PLD5: variants seen among roughly 807,000 people sequenced by gnomAD.
The protein encoded by PLD5 is phospholipase D family member 5, also known as inactive phospholipase D5.
In PLD5, 36 loss-of-function variants were observed where a neutral mutation model predicts 61.1. The ratio of observed to expected loss-of-function variants is 0.59; its 90% CI spans 0.45 to 0.78. The LOEUF (loss-of-function observed/expected upper bound fraction) is 0.78, where lower values mean the gene tolerates loss of function less well. PLD5 is among the 30% of genes least tolerant of loss of function. The pLI, the probability that PLD5 is intolerant of heterozygous loss-of-function variation, is 0.00. For missense variants in PLD5, 515 were observed against 644.4 expected (o/e 0.80, Z 2.17); for synonymous variants, 243 against 242.8 (o/e 1.00, Z -0.01).
chr1:242,243,857 G>A (rs957977983), intron 4 of PLD5, among the ~76,000 whole-genome samples: 5 of 152,192 alleles, frequency 3.3e-5, no homozygotes, highest in East Asian at 1.9e-4. Context: ...TTGGAAACAC[G>A]GTAATATCAG....
At chr1:242,146,277 C>T (rs1037816497) in intron 5 of PLD5, among the ~76,000 whole-genome samples, 2 of 152,188 alleles carry the variant, frequency 1.3e-5, no homozygotes, top group African/African-American at 4.8e-5. Context: ...CAGTTTTTAG[C>T]AATTCAGTAG....
rs546059173 is a variant in PLD5 at position 242,401,380 on chromosome 1, G to A, written c.190-53138C>T. Among the ~76,000 whole-genome samples, 650 of 152,050 alleles carry A rather than the reference G, an allele frequency of 4.3e-3. 1 individual carries two copies. Among genetic ancestry groups the A allele is most frequent in the Non-Finnish European group, 7.5e-3 (510 of 68,004 alleles). ...CAGCGTATTGCCCACCCAGAAGCCCGAGTGGTCTTCTGTAACAAGAAACAG... is the reference window on the plus strand; with the variant it reads ...CAGCGTATTGCCCACCCAGAAGCCCAAGTGGTCTTCTGTAACAAGAAACAG... On this transcript the variant is annotated intron_variant, in intron 1 of 9. Coordinates refer to ENST00000536534, the MANE Select transcript of PLD5 (RefSeq NM_001372062.1).
At chr1:242,268,542 G>A (rs1673854202) in intron 3 of PLD5, among the ~76,000 whole-genome samples, 2 of 152,254 alleles carry the variant, frequency 1.3e-5, no homozygotes, top group African/African-American at 4.8e-5. Flanking sequence ...TACAGATACT[G>A]GCAGACTGTC....
intron 4 of PLD5, among the ~76,000 whole-genome samples, chr1:242,247,707 G>T (rs767556979): frequency 6.6e-6 from 1 of 152,168 alleles, no homozygotes; most frequent in African/African-American, 2.4e-5. Flanking sequence ...GAGGGGCTCC[G>T]TTCAGCAGGC....
intron 5 of PLD5, among the ~76,000 whole-genome samples, chr1:242,182,278 T>C (rs1026014846): frequency 4.6e-5 from 7 of 152,234 alleles, no homozygotes; most frequent in African/African-American, 1.7e-4. Context: ...AGTAAAACTT[T>C]CTGATACTTG....
chr1:242,258,307 TGGTC>T (rs1673195750), intron 4 of PLD5, among the ~76,000 whole-genome samples: 5 of 152,206 alleles, frequency 3.3e-5, no homozygotes, highest in Admixed American at 3.3e-4. Flanking sequence ...CCACTGAGTA[TGGTC>T]ACTGCACTAT....
At chr1:242,343,615 G>T (rs1327133042) in intron 2 of PLD5, among the ~76,000 whole-genome samples, 1 of 151,284 alleles carries the variant, frequency 6.6e-6, no homozygotes, top group Middle Eastern at 3.2e-3. Context: ...CCAGGGACAT[G>T]ACTGCCTGGA....
chr1:242,163,328 A>G lies in PLD5; in HGVS notation c.736-38663T>C, dbSNP rs185913765. On this transcript the variant is annotated intron_variant, in intron 5 of 9. Coordinates refer to ENST00000536534, the MANE Select transcript of PLD5 (RefSeq NM_001372062.1). ...CCGGCTAATTTTTTGTATTTTTAGC[A>G]CAGACGGGGTTTCACTGTGTTAGCC... is the stretch of plus-strand genomic sequence containing the variant. 1.7e-3 allele frequency among the ~76,000 whole-genome samples: 256 copies of G among 151,996 alleles called. 4 individuals are homozygous for G. In the East Asian group the frequency reaches 0.044, roughly 26 times the overall value.
intron 1 of PLD5, among the ~76,000 whole-genome samples, chr1:242,519,102 T>C (rs75576858): frequency 0.015 from 2,267 of 152,310 alleles, 65 homozygotes; most frequent in African/African-American, 0.053. Context: ...TCTTTGTTTG[T>C]TTGTTGGATT....
intron 5 of PLD5, among the ~76,000 whole-genome samples, chr1:242,207,104 G>C (rs1669366688): frequency 6.6e-6 from 1 of 152,116 alleles, no homozygotes; most frequent in Non-Finnish European, 1.5e-5. Context: ...ATGGAGCAGA[G>C]CCTACTTTAC....
intron 1 of PLD5, among the ~76,000 whole-genome samples, chr1:242,517,925 T>C (rs961336083): frequency 6.6e-6 from 1 of 152,162 alleles, no homozygotes; most frequent in Non-Finnish European, 1.5e-5. Flanking sequence ...TCCCATCCTC[T>C]CAAATTAACT....
Position 242,460,211 on chromosome 1 carries a change from A to G in PLD5, c.189+63877T>C, listed in dbSNP as rs574532003. ...CATCCCCATGTGACCATCTCACCTC[A>G]TAATCAAATGACCCTAAATCCCTCA... On this transcript the variant is annotated intron_variant, in intron 1 of 9. Coordinates refer to ENST00000536534, the MANE Select transcript of PLD5 (RefSeq NM_001372062.1). 2.4e-4 allele frequency among the ~76,000 whole-genome samples: 37 copies of G among 152,270 alleles called. 1 individual carries two copies. The South Asian group carries it at 7.5e-3, about 31-fold the overall frequency.
intron 4 of PLD5, among the ~76,000 whole-genome samples, chr1:242,263,183 G>A (rs2754421): frequency 0.013 from 1,983 of 151,948 alleles, 47 homozygotes; most frequent in African/African-American, 0.046. Flanking sequence ...CTAAATCTTT[G>A]TCATTTACTG....
At chr1:242,091,227 AG>A (rs1558208446) in intron 9 of PLD5, among the ~76,000 whole-genome samples, 1 of 152,138 alleles carries the variant, frequency 6.6e-6, no homozygotes, top group East Asian at 1.9e-4. Context: ...TTACATTCTG[AG>A]GTACTGGGGG....
chr1:242,167,512 C>A (rs1237380285), intron 5 of PLD5, among the ~76,000 whole-genome samples: 1 of 152,160 alleles, frequency 6.6e-6, no homozygotes, highest in African/African-American at 2.4e-5. Context: ...CCTTCCATGA[C>A]ATGTGGGGAT....
intron 1 of PLD5, among the ~76,000 whole-genome samples, chr1:242,508,897 G>A (rs1000050957): frequency 1.3e-5 from 2 of 152,070 alleles, no homozygotes; most frequent in African/African-American, 2.4e-5. Flanking sequence ...CCTGGCCAAC[G>A]TGGGAAAACC....
intron 5 of PLD5, among the ~76,000 whole-genome samples, chr1:242,219,642 A>G (rs539079837): frequency 6.6e-6 from 1 of 152,336 alleles, no homozygotes; most frequent in East Asian, 1.9e-4. Flanking sequence ...ATTACTCTCT[A>G]CTGAATTTTT....
chr1:242,324,171 A>C (rs1157475098), intron 2 of PLD5, among the ~76,000 whole-genome samples: 1 of 152,082 alleles, frequency 6.6e-6, no homozygotes, highest in Non-Finnish European at 1.5e-5. Flanking sequence ...ACCCTTCACC[A>C]CTACTTTCAG....
At chr1:242,501,368 CT>C (rs1437236977) in intron 1 of PLD5, among the ~76,000 whole-genome samples, 2 of 152,212 alleles carry the variant, frequency 1.3e-5, no homozygotes, top group Non-Finnish European at 2.9e-5. Flanking sequence ...GGACACACTT[CT>C]CCTCTGTAAT....
Sources: gnomAD v4.1 joint callset for allele counts (sites outside exome capture counted in the v4.1 genomes callset) on GRCh38, gnomAD v4.1.1 for gene constraint, MANE v1.5 for transcripts, NCBI Gene and HGNC (gene_info 2026-07-23, HGNC 2026-07-21) for gene names.